RUNX2: variants seen among roughly 807,000 people sequenced by gnomAD.
RUNX2 encodes runt-related transcription factor 2.
A neutral mutation model predicts 51.7 loss-of-function variants in RUNX2; 10 were observed. The observed-to-expected ratio is 0.19, with a 90% CI of 0.12 to 0.33. The LOEUF is 0.33. Among genes scored for constraint, RUNX2 ranks in the 10% least tolerant of loss-of-function variants. RUNX2 has a pLI of 1.00. For missense variants in RUNX2, 562 were observed against 691.3 expected (o/e 0.81, Z 2.10); for synonymous variants, 276 against 273.6 (o/e 1.01, Z -0.09).
intron 2 of RUNX2, among the ~76,000 whole-genome samples, chr6:45,331,130 C>CTT (rs1787415821): frequency 1.5e-5 from 2 of 133,680 alleles, no homozygotes; most frequent in South Asian, 4.8e-4. Context: ...TGTGTGTGCG[C>CTT]GCGCGCGCGC....
intron 7 of RUNX2, among the ~76,000 whole-genome samples, chr6:45,544,424 G>A (rs1802326838): frequency 1.3e-5 from 2 of 152,042 alleles, no homozygotes; most frequent in Admixed American, 1.3e-4. Flanking sequence ...TACTGCCAGG[G>A]CCCCACATAA....
chr6:45,330,467 C>T (rs12201899), intron 2 of RUNX2, among the ~76,000 whole-genome samples: 11 of 151,764 alleles, frequency 7.2e-5, no homozygotes, highest in African/African-American at 2.2e-4. Flanking sequence ...TACTCTTTCA[C>T]GTTATCACTC....
intron 2 of RUNX2, among the ~76,000 whole-genome samples, chr6:45,413,465 C>G (rs964760405): frequency 1.2e-4 from 13 of 112,184 alleles, no homozygotes; most frequent in Admixed American, 9.6e-4. Context: ...TTGAGACAGC[C>G]TGTTGCCCAG....
rs1802479992 is a variant in RUNX2, at chr6:45,548,805, C to G, written c.*1500C>G. On this transcript the variant is annotated 3_prime_UTR_variant, in exon 9 of 9. Transcript: ENST00000647337. The stretch of plus-strand genomic sequence containing the variant: ...AGAGATTCTTAACCAACCAGCCTTA[C>G]CAAACAACACAACAGGGGAACCCCA... 9.2e-6 allele frequency: 2 copies of G among 216,626 alleles called. No individual in the cohort carries two copies. The highest frequency in any genetic ancestry group is 9.1e-6 in the Non-Finnish European group (1 of 110,272). 13.4% of individuals were successfully genotyped at this position (216,626 alleles called of 1,614,324 possible).
chr6:45,367,862 G>A (rs1795410472), intron 2 of RUNX2, among the ~76,000 whole-genome samples: 1 of 152,070 alleles, frequency 6.6e-6, no homozygotes, highest in Non-Finnish European at 1.5e-5. Flanking sequence ...TATCAAACAG[G>A]TGAATAACAT....
At chr6:45,435,167 A>C (rs1162664696) in intron 4 of RUNX2, among the ~76,000 whole-genome samples, 1 of 152,116 alleles carries the variant, frequency 6.6e-6, no homozygotes, top group Admixed American at 6.5e-5. Flanking sequence ...TAGAGAACTC[A>C]TTCTACTCTG....
At chr6:45,542,219 G>A (rs1802251831) in intron 7 of RUNX2, among the ~76,000 whole-genome samples, 1 of 152,220 alleles carries the variant, frequency 6.6e-6, no homozygotes, top group Admixed American at 6.5e-5. Flanking sequence ...GTTGGGTAAA[G>A]AGAGGCTATT....
chr6:45,346,716 C>A (rs1452827682), intron 2 of RUNX2, among the ~76,000 whole-genome samples: 1 of 152,006 alleles, frequency 6.6e-6, no homozygotes, highest in Non-Finnish European at 1.5e-5. Flanking sequence ...AGGTGCAGGC[C>A]ACCATGCCTG....
chr6:45,445,940 C>G, intron 5 of RUNX2, among the ~76,000 whole-genome samples: 1 of 151,962 alleles, frequency 6.6e-6, no homozygotes, highest in Admixed American at 6.6e-5. Context: ...TGTTGACTGG[C>G]TGTCAGGAGC....
At chr6:45,450,968 T>C (rs1799154041) in intron 5 of RUNX2, among the ~76,000 whole-genome samples, 1 of 152,124 alleles carries the variant, frequency 6.6e-6, no homozygotes, top group Non-Finnish European at 1.5e-5. Flanking sequence ...CCCAAACCAC[T>C]CTCTTATCAT....
intron 2 of RUNX2, among the ~76,000 whole-genome samples, chr6:45,374,202 A>T (rs1214223714): frequency 6.6e-6 from 1 of 152,202 alleles, no homozygotes; most frequent in Non-Finnish European, 1.5e-5. Flanking sequence ...AAAGGGCAAA[A>T]GCTAGGTTTA....
At chr6:45,395,106 A>G (rs1797554007) in intron 2 of RUNX2, among the ~76,000 whole-genome samples, 1 of 152,136 alleles carries the variant, frequency 6.6e-6, no homozygotes, top group South Asian at 2.1e-4. Context: ...GTTCCTGACA[A>G]TCTGTGATTG....
intron 7 of RUNX2, among the ~76,000 whole-genome samples, chr6:45,523,243 G>C (rs1453130860): frequency 6.6e-6 from 1 of 152,104 alleles, no homozygotes; most frequent in East Asian, 1.9e-4. Flanking sequence ...AAAGGGGACA[G>C]AGGAACTGCA....
intron 2 of RUNX2, chr6:45,378,041 T>TGCGGGCGCATGCGCGCTTGGCCAGGTG (rs1313114291): frequency 5.3e-5 from 8 of 151,778 alleles, no homozygotes; most frequent in Non-Finnish European, 8.8e-5. Flanking sequence ...GCACTGGCAG[T>TGCGGGCGCATGCGCGCTTGGCCAGGTG]GCGGGCGCAT....
At chr6:45,369,953 A>C (rs563498961) in intron 2 of RUNX2, among the ~76,000 whole-genome samples, 237 of 152,330 alleles carry the variant, frequency 1.6e-3, no homozygotes, top group African/African-American at 5.4e-3. Flanking sequence ...GGCTAGAAAG[A>C]TATGAACACA....
intron 6 of RUNX2, among the ~76,000 whole-genome samples, chr6:45,497,672 A>C (rs1205884125): frequency 1.3e-5 from 2 of 152,068 alleles, no homozygotes; most frequent in Non-Finnish European, 2.9e-5. Context: ...ACCCTTGATT[A>C]TATCTTGTTC....
chr6:45,520,545 C>T (rs938011104), intron 7 of RUNX2, among the ~76,000 whole-genome samples: 3 of 152,162 alleles, frequency 2.0e-5, no homozygotes, highest in Non-Finnish European at 4.4e-5. Flanking sequence ...CTTAAGTGTG[C>T]TGTGCTATTT....
chr6:45,531,230 C>T (rs1801830693), intron 7 of RUNX2, among the ~76,000 whole-genome samples: 1 of 152,140 alleles, frequency 6.6e-6, no homozygotes, highest in South Asian at 2.1e-4. Context: ...TGGCTATCAT[C>T]CTAAGAGGAA....
chr6:45,460,751 T>C (rs1799451293), intron 5 of RUNX2, among the ~76,000 whole-genome samples: 1 of 144,478 alleles, frequency 6.9e-6, no homozygotes, highest in African/African-American at 2.6e-5. Context: ...GCCTGGGCAG[T>C]ATAGCAAGAC....
Sources: allele counts gnomAD v4.1 joint callset (sites outside exome capture counted in the v4.1 genomes callset), GRCh38; gene constraint gnomAD v4.1.1; transcripts MANE v1.5; gene names NCBI Gene and HGNC (gene_info 2026-07-23, HGNC 2026-07-21).